LGSN: variants seen among roughly 807,000 people sequenced by gnomAD.
The protein encoded by LGSN is lengsin, lens protein with glutamine synthetase domain, also known as lengsin.
LGSN carries 21 observed loss-of-function variants against 19.5 expected under a neutral mutation model. The ratio of observed to expected loss-of-function variants is 1.07; its 90% CI spans 0.76 to 1.55. The LOEUF is 1.55. Ranked by LOEUF, LGSN falls within the 40% of genes most tolerant of loss-of-function variation. The probability of loss-of-function intolerance (pLI) is 0.00; values close to 1 mark genes in which losing one functional copy is unlikely to be tolerated. For synonymous variants in LGSN, 257 were observed against 215.6 expected, an observed-to-expected ratio of 1.19 and a Z score of -1.68; for missense variants, 673 against 608.5, an observed-to-expected ratio of 1.11 and a Z score of -1.12.
intron 2 of LGSN, among the ~76,000 whole-genome samples, chr6:63,293,350 A>G (rs1270226010): frequency 6.6e-6 from 1 of 152,196 alleles, no homozygotes; most frequent in Non-Finnish European, 1.5e-5. Flanking sequence ...GTGAGTTTTA[A>G]CCAATACACT....
At chr6:63,438,193 A>C in the LGSN span, among the ~76,000 whole-genome samples, 1 of 152,144 alleles carries the variant, frequency 6.6e-6, no homozygotes, top group Non-Finnish European at 1.5e-5. Flanking sequence ...TGGGTGGATC[A>C]CTTGAGGTCA....
chr6:63,295,399 T>C (rs1308504222), intron 1 of LGSN, among the ~76,000 whole-genome samples: 2 of 152,206 alleles, frequency 1.3e-5, no homozygotes, highest in African/African-American at 2.4e-5. Flanking sequence ...AACTAAAAAG[T>C]TTACTTTTTA....
chr6:63,369,476 A>G, the LGSN span, among the ~76,000 whole-genome samples: 1 of 152,212 alleles, frequency 6.6e-6, no homozygotes, highest in Admixed American at 6.5e-5. Flanking sequence ...GTGTTTACAA[A>G]TGAGAATCAC....
intron 1 of LGSN, among the ~76,000 whole-genome samples, chr6:63,298,088 A>G (rs1768048972): frequency 6.6e-6 from 1 of 152,154 alleles, no homozygotes; most frequent in African/African-American, 2.4e-5. Context: ...ACTGAGTTTA[A>G]AATTTAATTT....
At chr6:63,326,224 C>T in the LGSN span, among the ~76,000 whole-genome samples, 4 of 151,290 alleles carry the variant, frequency 2.6e-5, no homozygotes, top group Admixed American at 1.3e-4. Flanking sequence ...GATACAGTGC[C>T]GACTGGTATA....
intron 2 of LGSN, 91 bp downstream of exon 2, chr6:63,294,822 A>T (rs1018693479): frequency 3.4e-5 from 46 of 1,337,308 alleles, no homozygotes; most frequent in Non-Finnish European, 4.7e-5. Context: ...GCTTCTCCCA[A>T]AAAAGAAATG....
At chr6:63,471,099 C>T in the LGSN span, among the ~76,000 whole-genome samples, 3 of 151,118 alleles carry the variant, frequency 2.0e-5, no homozygotes, top group Admixed American at 6.6e-5. Context: ...TACAGGCATG[C>T]GCCACCATAC....
upstream of LGSN, among the ~76,000 whole-genome samples, chr6:63,324,341 T>C (rs78832926): frequency 2.9e-3 from 449 of 152,340 alleles, 3 homozygotes; most frequent in African/African-American, 0.01. Flanking sequence ...CATAGTTTTC[T>C]TGATAACAGT....
the LGSN span, among the ~76,000 whole-genome samples, chr6:63,490,858 A>T: frequency 6.6e-6 from 1 of 152,200 alleles, no homozygotes; most frequent in Admixed American, 6.5e-5. Flanking sequence ...GACCAACGGG[A>T]GCCAATGGTA....
chr6:63,425,088 A>G, the LGSN span, among the ~76,000 whole-genome samples: 9 of 152,202 alleles, frequency 5.9e-5, no homozygotes, highest in Non-Finnish European at 8.8e-5. Flanking sequence ...CTACATACCT[A>G]TCAGAATGGC....
chr6:63,479,493 A>G, the LGSN span, among the ~76,000 whole-genome samples: 1 of 151,922 alleles, frequency 6.6e-6, no homozygotes, highest in Non-Finnish European at 1.5e-5. Context: ...TAATCCCAGC[A>G]TTTTCAGAGG....
At chr6:63,358,093 C>T in the LGSN span, among the ~76,000 whole-genome samples, 6 of 152,186 alleles carry the variant, frequency 3.9e-5, 1 homozygote, top group African/African-American at 2.4e-5. Flanking sequence ...ATAGGGAATC[C>T]TTTCCCCATT....
At chr6:63,400,010 C>T in the LGSN span, among the ~76,000 whole-genome samples, 1 of 152,156 alleles carries the variant, frequency 6.6e-6, no homozygotes, top group African/African-American at 2.4e-5. Context: ...TTAACCTAGA[C>T]TTAATTCTCT....
the LGSN span, among the ~76,000 whole-genome samples, chr6:63,553,800 C>T: frequency 6.6e-6 from 1 of 152,090 alleles, no homozygotes; most frequent in African/African-American, 2.4e-5. Flanking sequence ...AGGAACATAA[C>T]CAAACTAAAC....
chr6:63,562,201 CTT>C, the LGSN span, among the ~76,000 whole-genome samples: 17 of 137,252 alleles, frequency 1.2e-4, no homozygotes, highest in Non-Finnish European at 1.6e-4. Flanking sequence ...TTTTCTTTTT[CTT>C]TTTTTTTTTT....
At chr6:63,507,787 A>G in the LGSN span, among the ~76,000 whole-genome samples, 11 of 152,218 alleles carry the variant, frequency 7.2e-5, no homozygotes, top group Non-Finnish European at 1.6e-4. Context: ...CCTGCTTCAT[A>G]AAAATGGTAT....
chr6:63,568,495 C>T, the LGSN span, among the ~76,000 whole-genome samples: 1 of 152,090 alleles, frequency 6.6e-6, no homozygotes, highest in Non-Finnish European at 1.5e-5. Flanking sequence ...TCAAAGATCA[C>T]TGTTCACAAA....
the LGSN span, among the ~76,000 whole-genome samples, chr6:63,417,835 T>C: frequency 1.3e-5 from 2 of 152,200 alleles, no homozygotes; most frequent in South Asian, 4.1e-4. Context: ...GACTATAACT[T>C]GATGCTACAC....
the LGSN span, among the ~76,000 whole-genome samples, chr6:63,328,876 T>C: frequency 2.0e-5 from 3 of 152,172 alleles, no homozygotes; most frequent in Non-Finnish European, 4.4e-5. Context: ...CAGGGATCCA[T>C]AGTTGGCAAA....
Sources: allele counts gnomAD v4.1 joint callset (sites outside exome capture counted in the v4.1 genomes callset), GRCh38; gene constraint gnomAD v4.1.1; transcripts MANE v1.5; gene names NCBI Gene and HGNC (gene_info 2026-07-23, HGNC 2026-07-21).